Variants in EPHA4 observed in about 807,000 individuals in gnomAD.
EPHA4 encodes the protein ephrin type-A receptor 4.
Under a neutral mutation model 108.3 loss-of-function variants are expected in EPHA4, and 19 were observed. The observed-to-expected ratio is 0.18, with a 90% CI of 0.12 to 0.26. EPHA4 has a LOEUF of 0.26. Among genes scored for constraint, EPHA4 ranks in the 10% least tolerant of loss-of-function variants. The probability of loss-of-function intolerance (pLI) is 1.00; values close to 1 mark genes in which losing one functional copy is unlikely to be tolerated. For synonymous variants in EPHA4, 449 were observed against 455.5 expected, an observed-to-expected ratio of 0.99 and a Z score of 0.18; for missense variants, 917 against 1,254.0, an observed-to-expected ratio of 0.73 and a Z score of 4.06.
intron 3 of EPHA4, among the ~76,000 whole-genome samples, chr2:221,542,735 G>A (rs930294021): frequency 2.6e-5 from 4 of 152,192 alleles, no homozygotes; most frequent in African/African-American, 7.2e-5. Context: ...AGTTAGAGGC[G>A]ATAATTTGCA....
At position 221,523,124 on chromosome 2, in the gene EPHA4, T is replaced by C. The variant is rs373869380; in HGVS notation, c.824-21952A>G. ...TTTGAAAACCCCAGTACTTCCAATA[T>C]ACCTTCCTCACTTACAAAAGAGAAC... On this transcript the variant is annotated intron_variant, in intron 3 of 17. Coordinates refer to ENST00000281821, the MANE Select transcript of EPHA4 (RefSeq NM_004438.5). Among the ~76,000 whole-genome samples, 10 of 152,022 alleles carry C rather than the reference T, an allele frequency of 6.6e-5. No homozygotes were observed. The East Asian group carries it at 1.8e-3, about 27-fold the overall frequency.
Position 221,569,672 on chromosome 2 carries a change from C to T in EPHA4, c.92-887G>A, listed in dbSNP as rs188925027. Among the ~76,000 whole-genome samples the T allele has an allele frequency of 2.0e-5, 3 of 152,132 alleles. No homozygotes were observed. In the East Asian group the frequency reaches 5.8e-4, roughly 30 times the overall value. Reference sequence around the variant, plus strand: ...CTCTTTCCCACCGAGATCTGCAGTCCTGGGGGTCGAAAGGCCCACCTCAAA... The same window carrying T: ...CTCTTTCCCACCGAGATCTGCAGTCTTGGGGGTCGAAAGGCCCACCTCAAA... On this transcript the variant is annotated intron_variant, in intron 1 of 17. Transcript: ENST00000281821.
At chr2:221,568,231 G>A (rs1237251185) in intron 2 of EPHA4, among the ~76,000 whole-genome samples, 1 of 152,228 alleles carries the variant, frequency 6.6e-6, no homozygotes, top group East Asian at 1.9e-4. Context: ...CAAAAGAACA[G>A]CAGCTGATTT....
chr2:221,544,730 T>C lies in EPHA4; in HGVS notation c.823+19001A>G, dbSNP rs555483865. Among the ~76,000 whole-genome samples the C allele has an allele frequency of 3.2e-4, 48 of 152,248 alleles. 1 individual carries two copies. In the South Asian group the frequency reaches 9.5e-3, roughly 30 times the overall value. On this transcript the variant is annotated intron_variant, in intron 3 of 17. Transcript: ENST00000281821. ...ATATGTTGAAGCCCTAACCCCACAA[T>C]GTGACTATATTTGGAGACAGAGCCT...
intron 4 of EPHA4, among the ~76,000 whole-genome samples, chr2:221,491,775 G>A (rs965980169): frequency 3.9e-5 from 6 of 151,964 alleles, no homozygotes; most frequent in Admixed American, 3.3e-4. Flanking sequence ...TCTTTTTCTA[G>A]GTGGAAGATC....
chr2:221,554,726 T>G (rs1694256441), intron 3 of EPHA4, among the ~76,000 whole-genome samples: 2 of 152,270 alleles, frequency 1.3e-5, no homozygotes, highest in South Asian at 2.1e-4. Context: ...ATTGTGATTC[T>G]AGGTATGAAG....
rs139459825 is a variant in EPHA4 at position 221,558,882 on chromosome 2, G to A, written c.823+4849C>T. On this transcript the variant is annotated intron_variant, in intron 3 of 17. Transcript: ENST00000281821. ...AGATAAAAGCAGCCATGTGATTCAA[G>A]CAATTGATTCTTAATGATACGATTC... Among the ~76,000 whole-genome samples the A allele has an allele frequency of 1.6e-3, 247 of 152,310 alleles. 2 individuals are homozygous for A. The highest frequency in any genetic ancestry group is 5.7e-3 in the African/African-American group (238 of 41,572).
chr2:221,490,961 C>G (rs1692124563), intron 4 of EPHA4, among the ~76,000 whole-genome samples: 1 of 152,186 alleles, frequency 6.6e-6, no homozygotes, highest in Admixed American at 6.5e-5. Context: ...ACAAAGACAG[C>G]CAAGCAGGGC....
chr2:221,560,167 A>G (rs1361555736), intron 3 of EPHA4, among the ~76,000 whole-genome samples: 3 of 151,558 alleles, frequency 2.0e-5, no homozygotes, highest in East Asian at 1.9e-4. Context: ...ATCTTAATCA[A>G]TCTTCCCTCT....
At chr2:221,432,911 G>C (rs1690123361) in intron 14 of EPHA4, among the ~76,000 whole-genome samples, 1 of 140,004 alleles carries the variant, frequency 7.1e-6, no homozygotes. Flanking sequence ...TGCAATCTCT[G>C]CCTCTTAGGT....
intron 4 of EPHA4, among the ~76,000 whole-genome samples, chr2:221,494,817 G>T (rs1168044787): frequency 6.6e-6 from 1 of 152,062 alleles, no homozygotes; most frequent in Admixed American, 6.6e-5. Flanking sequence ...GGGAAACAAG[G>T]AGAAACAGAT....
At chr2:221,568,898 G>T in intron 1 of EPHA4, 113 bp from the exon 2 acceptor site, 3 of 682,782 alleles carry the variant, frequency 4.4e-6, no homozygotes, top group South Asian at 2.4e-5. Context: ...ATCCAACACT[G>T]ATCAAAACCT....
intron 3 of EPHA4, among the ~76,000 whole-genome samples, chr2:221,520,845 T>C (rs1217444104): frequency 1.3e-5 from 2 of 152,230 alleles, no homozygotes; most frequent in Non-Finnish European, 2.9e-5. Flanking sequence ...ATGAAACTCC[T>C]CTGCCAGTTG....
intron 3 of EPHA4, among the ~76,000 whole-genome samples, chr2:221,559,040 AT>A (rs34991266): frequency 0.15 from 22,424 of 151,838 alleles, 2,231 homozygotes; most frequent in East Asian, 0.37. Context: ...AAAAGAAATC[AT>A]TTTTTTTGAC....
chr2:221,428,818 A>G (rs1451412352), intron 15 of EPHA4, among the ~76,000 whole-genome samples: 2 of 152,214 alleles, frequency 1.3e-5, no homozygotes, highest in Admixed American at 1.3e-4. Flanking sequence ...ACCATTGAGC[A>G]TTTTGTGTAG....
At chr2:221,565,023 T>C (rs998478148) in intron 2 of EPHA4, among the ~76,000 whole-genome samples, 13 of 152,234 alleles carry the variant, frequency 8.5e-5, no homozygotes, top group South Asian at 8.3e-4. Flanking sequence ...TGGCTGGATT[T>C]CTCAAATATG....
chr2:221,434,032 A>G, intron 14 of EPHA4, 110 bp downstream of exon 14: 1 of 1,105,794 alleles, frequency 9.0e-7, no homozygotes, highest in Non-Finnish European at 1.3e-6. Flanking sequence ...GTATTAAGAA[A>G]TTTGAGTTTA....
chr2:221,478,080 T>C (rs1186186214), intron 5 of EPHA4, among the ~76,000 whole-genome samples: 4 of 151,952 alleles, frequency 2.6e-5, no homozygotes, highest in Non-Finnish European at 5.9e-5. Flanking sequence ...TTCATGGGGG[T>C]TGGGACCATA....
chr2:221,526,540 T>C (rs982090321), intron 3 of EPHA4, among the ~76,000 whole-genome samples: 8 of 88,248 alleles, frequency 9.1e-5, no homozygotes, highest in Admixed American at 7.9e-4. Context: ...CACAATCTAG[T>C]GTAAAAAAAA....
Sources: gnomAD v4.1 joint callset for allele counts (sites outside exome capture counted in the v4.1 genomes callset) on GRCh38, gnomAD v4.1.1 for gene constraint, MANE v1.5 for transcripts, NCBI Gene and HGNC (gene_info 2026-07-23, HGNC 2026-07-21) for gene names.